The following ABLIM2 variants were observed in gnomAD, a reference collection of about 807,000 sequenced individuals.
ABLIM2 encodes actin-binding LIM protein 2.
In ABLIM2, 53 loss-of-function variants were observed where a neutral mutation model predicts 97.7. The observed-to-expected ratio is 0.54, with a 90% CI of 0.44 to 0.68. The LOEUF is 0.68. Ranked by LOEUF, ABLIM2 falls within the 30% of genes least tolerant of loss-of-function variation. The pLI is 0.00. For missense variants in ABLIM2, 835 were observed against 867.2 expected (o/e 0.96, Z 0.47); for synonymous variants, 361 against 345.8 (o/e 1.04, Z -0.49).
chr4:8,097,805 A>C (rs1258229554), intron 2 of ABLIM2, among the ~76,000 whole-genome samples: 42 of 135,390 alleles, frequency 3.1e-4, no homozygotes, highest in Admixed American at 5.1e-4. Flanking sequence ...CCCCTCCCCC[A>C]CTCCTCTGGG....
At chr4:8,040,220 A>G (rs924139271) in intron 9 of ABLIM2, among the ~76,000 whole-genome samples, 7 of 152,292 alleles carry the variant, frequency 4.6e-5, no homozygotes, top group South Asian at 2.1e-4. Context: ...CGACGGGGAC[A>G]TGGAACGGCC....
chr4:8,050,678 C>A (rs1177805456), intron 8 of ABLIM2, among the ~76,000 whole-genome samples: 1 of 152,236 alleles, frequency 6.6e-6, no homozygotes, highest in South Asian at 2.1e-4. Context: ...TTGCACCTGA[C>A]GGAACAAAAC....
intron 1 of ABLIM2, among the ~76,000 whole-genome samples, chr4:8,143,346 C>T (rs1202866365): frequency 2.6e-5 from 4 of 152,176 alleles, no homozygotes; most frequent in Admixed American, 2.6e-4. Context: ...TCACTGAGCA[C>T]GTACTACCAG....
At chr4:7,983,140 G>C (rs548114865) in intron 20 of ABLIM2, 124 bp downstream of exon 20, 1 of 1,008,328 alleles carries the variant, frequency 9.9e-7, no homozygotes, top group Admixed American at 2.0e-5. Context: ...TCTGCATCAC[G>C]GCAAGGCTCT....
intron 20 of ABLIM2, among the ~76,000 whole-genome samples, chr4:7,972,887 C>T (rs1241077470): frequency 6.6e-6 from 1 of 152,154 alleles, no homozygotes; most frequent in Non-Finnish European, 1.5e-5. Context: ...CACACCCTCT[C>T]ATCAGACCAG....
chr4:8,040,514 G>A (rs1312572141), intron 9 of ABLIM2, among the ~76,000 whole-genome samples: 1 of 152,118 alleles, frequency 6.6e-6, no homozygotes, highest in Non-Finnish European at 1.5e-5. Flanking sequence ...GGGAGGCTGA[G>A]GCAGGAGAGT....
intron 6 of ABLIM2, among the ~76,000 whole-genome samples, chr4:8,065,015 C>T (rs1031538040): frequency 1.4e-4 from 22 of 152,104 alleles, no homozygotes; most frequent in African/African-American, 4.8e-4. Flanking sequence ...TCTCAGAGGT[C>T]AAGGCAAGAG....
At chr4:8,126,019 G>A (rs74851400) in intron 1 of ABLIM2, among the ~76,000 whole-genome samples, 2,953 of 152,278 alleles carry the variant, frequency 0.019, 51 homozygotes, top group Non-Finnish European at 0.029. Context: ...GCAGGGCAGT[G>A]TCTCCTCCAA....
rs533384472 is a variant in ABLIM2, at chr4:8,087,020, C to T, written c.454+1149G>A. ...AGCTCCCAGGGCCAGTGCTGCACCTCGGGGAGGCTGGAAGTGGAATCGCCT... is the reference window on the plus strand; with the variant it reads ...AGCTCCCAGGGCCAGTGCTGCACCTTGGGGAGGCTGGAAGTGGAATCGCCT... On this transcript the variant is annotated intron_variant, in intron 4 of 20. Transcript: ENST00000447017. This position sits in a 1 kb window ranked among gnomAD's most constrained non-coding sequence, Gnocchi z 4.6. Among the ~76,000 whole-genome samples, 15 of 152,222 alleles carry T rather than the reference C, an allele frequency of 9.9e-5. No individual in the cohort carries two copies. Among genetic ancestry groups the T allele is most frequent in the Middle Eastern group, 6.8e-3 (2 of 294 alleles).
chr4:8,031,706 T>C (rs1333419246), intron 10 of ABLIM2, among the ~76,000 whole-genome samples: 1 of 150,518 alleles, frequency 6.6e-6, no homozygotes, highest in African/African-American at 2.4e-5. Context: ...GGTGTCGTGG[T>C]GGGGGATGAA....
intron 1 of ABLIM2, among the ~76,000 whole-genome samples, chr4:8,134,074 A>T (rs1359992460): frequency 6.6e-6 from 1 of 152,202 alleles, no homozygotes; most frequent in Non-Finnish European, 1.5e-5. Flanking sequence ...GATGGGCCTC[A>T]TGAGGACAGG....
Position 8,001,745 on chromosome 4 carries a change from T to C in ABLIM2, c.1618+6314A>G, listed in dbSNP as rs1356660121. ...CCTGAGCCCCCAGCTCTCCCTGGGC[T>C]GTCCCTCCACGCCCTTTCTGCAGGA... On this transcript the variant is annotated intron_variant, in intron 16 of 20. Transcript: ENST00000447017. This position sits in a 1 kb window ranked among gnomAD's most constrained non-coding sequence, Gnocchi z 4.2. Among the ~76,000 whole-genome samples the C allele has an allele frequency of 6.6e-6, 1 of 152,140 alleles. No homozygotes were observed. Among genetic ancestry groups the C allele is most frequent in the Non-Finnish European group, 1.5e-5 (1 of 68,012 alleles).
chr4:7,966,231 C>A lies in ABLIM2; in HGVS notation c.*759G>T, dbSNP rs1280859441. 6.6e-6 allele frequency: 1 copy of A among 152,616 alleles called. No homozygotes were observed. The highest frequency in any genetic ancestry group is 1.5e-5 in the Non-Finnish European group (1 of 68,058). 9.5% of individuals were successfully genotyped at this position (152,616 alleles called of 1,614,324 possible). A position where few individuals can be genotyped will look rare whatever the true frequency, so the allele number is the denominator to read the frequency against. The stretch of plus-strand genomic sequence containing the variant: ...GAGCGGTGGAGAATAAGGCTGGAGG[C>A]CGCTCCCCTGCGGAGGGACCGTAAA... On this transcript the variant is annotated 3_prime_UTR_variant, in exon 21 of 21. Transcript: ENST00000447017.
intron 3 of ABLIM2, among the ~76,000 whole-genome samples, chr4:8,091,199 T>C (rs1827158055): frequency 7.0e-6 from 1 of 142,414 alleles, no homozygotes; most frequent in South Asian, 2.1e-4. Context: ...TTCTTTGTAG[T>C]TTTCATTTGC....
At chr4:8,133,158 C>T (rs1849671813) in intron 1 of ABLIM2, among the ~76,000 whole-genome samples, 2 of 152,202 alleles carry the variant, frequency 1.3e-5, no homozygotes, top group African/African-American at 4.8e-5. Flanking sequence ...TGGCCTCCTC[C>T]CTGCGTGAGT....
intron 2 of ABLIM2, among the ~76,000 whole-genome samples, chr4:8,098,034 G>C (rs988814707): frequency 6.6e-6 from 1 of 152,178 alleles, no homozygotes; most frequent in Non-Finnish European, 1.5e-5. Context: ...ACAACTTGCT[G>C]GTCACCACCA....
Position 7,973,075 on chromosome 4 carries a change from CTGTGTGTGTGTG to C in ABLIM2, c.1825-5984_1825-5973del, listed in dbSNP as rs71175444. Among the ~76,000 whole-genome samples, 24 of 124,060 alleles carry C rather than the reference CTGTGTGTGTGTG, an allele frequency of 1.9e-4. No homozygotes were observed. In the South Asian group the frequency reaches 4.0e-3, roughly 21 times the overall value. 81.4% of individuals were successfully genotyped at this position (124,060 alleles called of 152,430 possible). A position where few individuals can be genotyped will look rare whatever the true frequency, so the allele number is the denominator to read the frequency against. On this transcript the variant is annotated intron_variant, in intron 20 of 20. Transcript: ENST00000447017. Reference sequence around the variant, plus strand: ...CTCCAGCAATGAGCTGCTCCCCTTGCTGTGTGTGTGTGTGTGTGTGTGTGTGTGTGTGTGTGT... The same window carrying C: ...CTCCAGCAATGAGCTGCTCCCCTTGCTGTGTGTGTGTGTGTGTGTGTGTGT...
intron 6 of ABLIM2, among the ~76,000 whole-genome samples, chr4:8,070,051 ATC>A (rs1810821001): frequency 6.7e-6 from 1 of 149,336 alleles, no homozygotes; most frequent in African/African-American, 2.5e-5. Flanking sequence ...GTGTGTATGT[ATC>A]TGTGTATCTG....
intron 6 of ABLIM2, among the ~76,000 whole-genome samples, chr4:8,073,633 T>C (rs1270075022): frequency 6.6e-6 from 1 of 151,640 alleles, no homozygotes; most frequent in African/African-American, 2.4e-5. Flanking sequence ...TCACTGGCTG[T>C]AAATATCAGA....
Sources: allele counts gnomAD v4.1 joint callset (sites outside exome capture counted in the v4.1 genomes callset), GRCh38; gene constraint gnomAD v4.1.1; non-coding constraint Gnocchi (gnomAD v3.1); transcripts MANE v1.5; gene names NCBI Gene and HGNC (gene_info 2026-07-23, HGNC 2026-07-21).